The following ZNF317 variants were observed in gnomAD, a reference collection of about 807,000 sequenced individuals.
ZNF317 encodes the protein KRAB-containing zinc finger protein 317.
ZNF317 carries 17 observed loss-of-function variants against 23.4 expected under a neutral mutation model. The observed-to-expected ratio is 0.73, with a 90% CI of 0.50 to 1.09. The LOEUF is 1.09. Among genes scored for constraint, ZNF317 ranks in the 50% least tolerant of loss-of-function variants. The pLI is 0.00. For synonymous variants in ZNF317, 317 were observed against 314.9 expected (o/e 1.01, Z -0.07); for missense variants, 679 against 796.7 (o/e 0.85, Z 1.78).
chr19:9,152,939 G>A (rs1435796912), intron 1 of ZNF317, among the ~76,000 whole-genome samples: 1 of 152,180 alleles, frequency 6.6e-6, no homozygotes, highest in Non-Finnish European at 1.5e-5. Flanking sequence ...AAGGTCGGTA[G>A]TAATGTCCCA....
At chr19:9,153,480 G>A (rs1001442905) in intron 1 of ZNF317, among the ~76,000 whole-genome samples, 3 of 152,168 alleles carry the variant, frequency 2.0e-5, no homozygotes, top group African/African-American at 7.2e-5. Context: ...GTTTTTGTAT[G>A]AGATGTCTTA....
At chr19:9,158,363 CTTTTTTTTTTTTTTTT>C (rs200591339) in intron 5 of ZNF317, among the ~76,000 whole-genome samples, 1 of 76,496 alleles carries the variant, frequency 1.3e-5, no homozygotes, top group Admixed American at 1.8e-4. Flanking sequence ...TTTCTTTTTT[CTTTTTTTTTTTTTTTT>C]TTTTTTTTTT....
intron 5 of ZNF317, among the ~76,000 whole-genome samples, chr19:9,158,316 T>C (rs1464364300): frequency 4.0e-5 from 6 of 151,758 alleles, no homozygotes; most frequent in Admixed American, 3.9e-4. Flanking sequence ...GATCATCCGC[T>C]TTCTGTCATT....
In ZNF317 at chr19:9,161,197, A is replaced by G; in HGVS notation, c.1552A>G (p.Lys518Glu). ...GGCCTTCAGGAACCAGTCAACGCTG[A>G]AGACGCACATGCGAAGCCACACGGG... is the stretch of plus-strand genomic sequence containing the variant. ...GKAFRNQSTL[K>E]THMRSHTGEK... Residue 518 changes from lysine to glutamate, a missense_variant, in exon 7 of 7, where the codon AAG (lysine) becomes GAG (glutamate). By Grantham distance (56) the Lys-to-Glu change is moderately conservative. Coordinates refer to ENST00000247956, the MANE Select transcript of ZNF317 (RefSeq NM_020933.5). This position sits in a 1 kb window ranked among gnomAD's most constrained non-coding sequence, Gnocchi z 4.0. 6.2e-7 allele frequency: 1 copy of G among 1,614,216 alleles called. No individual in the cohort carries two copies. Among genetic ancestry groups the G allele is most frequent in the Non-Finnish European group, 8.5e-7 (1 of 1,180,040 alleles).
At chr19:9,158,788 C>G (rs764441238) in intron 5 of ZNF317, 38 bp from the exon 6 acceptor site, 17 of 1,355,734 alleles carry the variant, frequency 1.3e-5, no homozygotes, top group Middle Eastern at 1.8e-4. Context: ...CCACCATTTT[C>G]CTTTTCCAAC....
At chr19:9,147,931 A>G (rs1335684628) in intron 1 of ZNF317, among the ~76,000 whole-genome samples, 1 of 152,126 alleles carries the variant, frequency 6.6e-6, no homozygotes, top group Admixed American at 6.5e-5. Flanking sequence ...TTTCTCATGA[A>G]TGGCTTAGCA....
At position 9,161,483 on chromosome 19, in the gene ZNF317, G is replaced by T; in HGVS notation, c.*50G>T. On this transcript the variant is annotated 3_prime_UTR_variant, in exon 7 of 7. Transcript: ENST00000247956. This position sits in a 1 kb window ranked among gnomAD's most constrained non-coding sequence, Gnocchi z 4.0. Reference sequence around the variant, plus strand: ...ATGATTCAGACCGGAAACAGACCTCGTGGGTGTAAGAGGAAGCCTCTGTGA... The same window carrying T: ...ATGATTCAGACCGGAAACAGACCTCTTGGGTGTAAGAGGAAGCCTCTGTGA... The T allele has an allele frequency of 6.4e-7, 1 of 1,560,038 alleles. No homozygotes were observed. The highest frequency in any genetic ancestry group is 2.3e-5 in the East Asian group (1 of 44,332).
intron 1 of ZNF317, among the ~76,000 whole-genome samples, chr19:9,150,790 G>C (rs146071050): frequency 1.9e-3 from 288 of 152,290 alleles, no homozygotes; most frequent in South Asian, 3.9e-3. Flanking sequence ...GTGTCAAGGA[G>C]TTCCCACATA....
chr19:9,155,659 G>GT (rs1368987815), intron 1 of ZNF317, among the ~76,000 whole-genome samples: 3 of 152,214 alleles, frequency 2.0e-5, no homozygotes, highest in Non-Finnish European at 4.4e-5. Flanking sequence ...TGTTTAATGA[G>GT]TGAGGGGGTT....
Position 9,160,162 on chromosome 19 carries a change from G to C in ZNF317, c.517G>C (p.Glu173Gln), listed in dbSNP as rs151013441. The change falls in exon 7 of 7, where the codon GAA (glutamate) becomes CAA (glutamine). Residue 173 changes from glutamate (E) to glutamine (Q), a missense_variant. Transcript: ENST00000247956. The surrounding 1 kb of genome is among the most constrained non-coding windows in gnomAD (Gnocchi z 6.8). ...EKSTEYAHLF[E>Q]VFGMDPHLTQ... ...GTCCACTGAATACGCTCACTTGTTC[G>C]AAGTCTTTGGCATGGACCCTCATCT... The C allele has an allele frequency of 3.1e-6, 5 of 1,614,158 alleles. No individual in the cohort carries two copies. Among genetic ancestry groups the C allele is most frequent in the Middle Eastern group, 3.3e-4 (2 of 6,062 alleles).
rs373278761 is a variant in ZNF317, at chr19:9,160,251, G to T, written c.606G>T (p.Ala202=). 7 of 1,614,150 alleles carry T rather than the reference G, an allele frequency of 4.3e-6. No homozygotes were observed. Among genetic ancestry groups the T allele is most frequent in the Non-Finnish European group, 4.2e-6 (5 of 1,180,022 alleles). ...RPYHRRDYGV[A]FKGRPHLTQH... ...ATCACCGCCGCGACTATGGGGTAGCGTTCAAGGGCAGGCCGCACCTCACTC... is the reference window on the plus strand; with the variant it reads ...ATCACCGCCGCGACTATGGGGTAGCTTTCAAGGGCAGGCCGCACCTCACTC... Residue 202 remains alanine, a synonymous_variant, in exon 7 of 7, where the codon GCG becomes GCT. Transcript: ENST00000247956. This position sits in a 1 kb window ranked among gnomAD's most constrained non-coding sequence, Gnocchi z 6.8.
intron 1 of ZNF317, among the ~76,000 whole-genome samples, chr19:9,141,672 T>C (rs2050630967): frequency 1.3e-5 from 2 of 152,230 alleles, no homozygotes; most frequent in African/African-American, 4.8e-5. Flanking sequence ...GACTTTTGTT[T>C]TCAAGTTGTG....
intron 1 of ZNF317, among the ~76,000 whole-genome samples, chr19:9,153,304 GGC>G (rs767873492): frequency 0.066 from 10,096 of 152,100 alleles, 343 homozygotes; most frequent in Middle Eastern, 0.12. Context: ...TGGGATTACA[GGC>G]ATGCACCACC....
intron 1 of ZNF317, among the ~76,000 whole-genome samples, chr19:9,143,930 T>TA (rs527556579): frequency 2.0e-5 from 3 of 151,500 alleles, no homozygotes; most frequent in Non-Finnish European, 4.4e-5. Context: ...TTTCTTTTTT[T>TA]TTTTTTTTAC....
chr19:9,160,405 G>A lies in ZNF317; in HGVS notation c.760G>A (p.Asp254Asn), dbSNP rs746418142. 22 of 1,613,904 alleles carry A rather than the reference G, an allele frequency of 1.4e-5. No homozygotes were observed. The highest frequency in any genetic ancestry group is 1.6e-4 in the Middle Eastern group (1 of 6,084). Residue 254 changes from aspartate to asparagine, a missense_variant, in exon 7 of 7, where the codon GAC becomes AAC. Transcript: ENST00000247956. This position sits in a 1 kb window ranked among gnomAD's most constrained non-coding sequence, Gnocchi z 6.8. ...HTGEKPYECS[D>N]CGKAFNDPSA... is the part of the protein sequence containing the mutation. ...CGGGGAGAAGCCTTACGAGTGCAGC[G>A]ACTGCGGGAAAGCCTTCAACGACCC... is the stretch of plus-strand genomic sequence containing the variant.
At chr19:9,144,007 CTTTCTTTTTT>C (rs2050660446) in intron 1 of ZNF317, among the ~76,000 whole-genome samples, 7 of 47,980 alleles carry the variant, frequency 1.5e-4, no homozygotes, top group African/African-American at 1.0e-3. Context: ...TTCTTTCTTT[CTTTCTTTTTT>C]TTGAGACGGA....
chr19:9,142,839 A>G (rs529317272), intron 1 of ZNF317, among the ~76,000 whole-genome samples: 14 of 152,216 alleles, frequency 9.2e-5, no homozygotes, highest in African/African-American at 3.4e-4. Context: ...CGGTTTGCTA[A>G]TACTTTGTTT....
chr19:9,152,158 G>A (rs10405502), intron 1 of ZNF317, among the ~76,000 whole-genome samples: 14,869 of 151,642 alleles, frequency 0.098, 864 homozygotes, highest in African/African-American at 0.17. Context: ...CACCCGCCTC[G>A]GCCTCCCAAA....
At chr19:9,156,091 C>T (rs745809334) in intron 2 of ZNF317, 50 bp downstream of exon 2, 24 of 1,605,044 alleles carry the variant, frequency 1.5e-5, no homozygotes, top group Non-Finnish European at 2.0e-5. Context: ...GCAAGTGGCC[C>T]CTGCCACTTG....
Sources: allele counts gnomAD v4.1 joint callset (sites outside exome capture counted in the v4.1 genomes callset), GRCh38; gene constraint gnomAD v4.1.1; non-coding constraint Gnocchi (gnomAD v3.1); transcripts MANE v1.5; gene names NCBI Gene and HGNC (gene_info 2026-07-23, HGNC 2026-07-21).